The following LZIC variants were observed in gnomAD, a reference collection of about 807,000 sequenced individuals.
LZIC encodes protein LZIC.
A neutral mutation model predicts 25.4 loss-of-function variants in LZIC; 28 were observed. That is an observed-to-expected ratio of 1.10 (90% CI 0.82 to 1.51). The LOEUF (loss-of-function observed/expected upper bound fraction) is 1.51, where lower values mean the gene tolerates loss of function less well. LZIC is among the 40% of genes most tolerant of loss of function. The probability of loss-of-function intolerance (pLI) is 0.00; values close to 1 mark genes in which losing one functional copy is unlikely to be tolerated. For synonymous variants in LZIC, 65 were observed against 70.7 expected, an observed-to-expected ratio of 0.92 and a Z score of 0.40; for missense variants, 170 against 211.1, an observed-to-expected ratio of 0.81 and a Z score of 1.21.
Position 9,931,857 on chromosome 1 carries a change from T to C in LZIC, c.514+34A>G, listed in dbSNP as rs539537579. On this transcript the variant is annotated intron_variant, in intron 7 of 7. Coordinates refer to ENST00000377223, the MANE Select transcript of LZIC (RefSeq NM_032368.5). Reference sequence around the variant, plus strand: ...TTGTATGTAATATATGACAGTAGTATACGACCAGCTTTCAGAAATATGAGG... The same window carrying C: ...TTGTATGTAATATATGACAGTAGTACACGACCAGCTTTCAGAAATATGAGG... 191 of 1,432,592 alleles carry C rather than the reference T, an allele frequency of 1.3e-4. 1 individual carries two copies. Among genetic ancestry groups the C allele is most frequent in the Non-Finnish European group, 1.5e-4 (153 of 1,020,918 alleles). The allele number at this position is 1,432,592 out of a possible 1,614,324, so 88.7% of individuals were successfully genotyped here. A position where few individuals can be genotyped will look rare whatever the true frequency, so the allele number is the denominator to read the frequency against.
At chr1:9,932,025 C>G in intron 6 of LZIC, 53 bp from the exon 7 acceptor site, 2 of 1,315,978 alleles carry the variant, frequency 1.5e-6, no homozygotes, top group Non-Finnish European at 1.0e-6. Context: ...ACAGGTGGTT[C>G]TAGAAACCAG....
chr1:9,941,701 A>T (rs1640747484), intron 2 of LZIC, among the ~76,000 whole-genome samples: 1 of 148,358 alleles, frequency 6.7e-6, no homozygotes, highest in Non-Finnish European at 1.5e-5. Context: ...GTTTCACCAT[A>T]TTGGCCAGGA....
intron 3 of LZIC, 23 bp downstream of exon 3, chr1:9,936,496 A>G (rs1196797128): frequency 6.4e-7 from 1 of 1,550,908 alleles, no homozygotes; most frequent in Non-Finnish European, 8.9e-7. Context: ...TTCCAGCATA[A>G]CAACATACAA....
chr1:9,934,648 G>T, intron 5 of LZIC, 114 bp downstream of exon 5: 2 of 799,976 alleles, frequency 2.5e-6, no homozygotes, highest in East Asian at 2.5e-5. Flanking sequence ...TCAGAAAATT[G>T]TTAGTTGTGG....
At chr1:9,925,253 C>T (rs933978350), downstream of LZIC, among the ~76,000 whole-genome samples, 4 of 151,858 alleles carry the variant, frequency 2.6e-5, no homozygotes, top group Non-Finnish European at 5.9e-5. Flanking sequence ...TTGAACCCTG[C>T]GGCAAGCCGA....
chr1:9,932,205 C>T (rs1640248579), intron 6 of LZIC: 1 of 385,572 alleles, frequency 2.6e-6, no homozygotes, highest in Non-Finnish European at 4.8e-6. Flanking sequence ...ATCAGCTGGG[C>T]GTGGTGGTGC....
chr1:9,927,142 T>C lies in LZIC; in HGVS notation c.*3257A>G, dbSNP rs1257896608. Among the ~76,000 whole-genome samples, 1 of 152,218 alleles carries C rather than the reference T, an allele frequency of 6.6e-6. No individual in the cohort carries two copies. Among genetic ancestry groups the C allele is most frequent in the Non-Finnish European group, 1.5e-5 (1 of 68,030 alleles). The stretch of plus-strand genomic sequence containing the variant: ...CACACAGCTGTGACTGTCAGTGTCC[T>C]GCTGGGCACTGCAAACTAGGCCACT... On this transcript the variant is annotated 3_prime_UTR_variant, in exon 8 of 8. Transcript: ENST00000377223.
At chr1:9,938,610 T>C (rs1441876301) in intron 2 of LZIC, among the ~76,000 whole-genome samples, 1 of 152,218 alleles carries the variant, frequency 6.6e-6, no homozygotes, top group African/African-American at 2.4e-5. Context: ...TGGAGTGCAG[T>C]GGCATGATCA....
At position 9,929,670 on chromosome 1, in the gene LZIC, C is replaced by T. The variant is rs560085284; in HGVS notation, c.*729G>A. The T allele has an allele frequency of 5.5e-5, 54 of 985,432 alleles. No individual in the cohort carries two copies. In the South Asian group the frequency reaches 2.4e-3, roughly 45 times the overall value. The allele number at this position is 985,432 out of a possible 1,614,324, so 61.0% of individuals were successfully genotyped here. A position where few individuals can be genotyped will look rare whatever the true frequency, so the allele number is the denominator to read the frequency against. On this transcript the variant is annotated 3_prime_UTR_variant, in exon 8 of 8. Transcript: ENST00000377223. ...GTTCCAACCTCAAAATTCCGAGATA[C>T]AACGGGCCCCATTAATACAGACAGC...
intron 2 of LZIC, among the ~76,000 whole-genome samples, chr1:9,937,847 C>CAAAAAAAAAAAAAAAAAAA (rs34452687): frequency 1.9e-5 from 1 of 52,732 alleles, no homozygotes. Flanking sequence ...GACCCTGACT[C>CAAAAAAAAAAAAAAAAAAA]AAAAAAAAAA....
intron 3 of LZIC, among the ~76,000 whole-genome samples, chr1:9,935,939 A>T (rs978809027): frequency 2.0e-5 from 3 of 152,120 alleles, no homozygotes; most frequent in South Asian, 2.1e-4. Flanking sequence ...AGGCCAGCCT[A>T]GCCAACATGG....
At chr1:9,931,605 T>C (rs1640216697) in intron 7 of LZIC, among the ~76,000 whole-genome samples, 1 of 152,220 alleles carries the variant, frequency 6.6e-6, no homozygotes, top group Non-Finnish European at 1.5e-5. Context: ...GGTCTCACCA[T>C]GTTGCCCAGG....
intron 7 of LZIC, among the ~76,000 whole-genome samples, chr1:9,931,003 G>A (rs542765466): frequency 6.6e-6 from 1 of 151,846 alleles, no homozygotes; most frequent in Non-Finnish European, 1.5e-5. Flanking sequence ...ACAGGCTTGA[G>A]CCACCGCACC....
chr1:9,933,013 C>T lies in LZIC; in HGVS notation c.337-115G>A, dbSNP rs1048090131. On this transcript the variant is annotated intron_variant, in intron 5 of 7. Transcript: ENST00000377223. ...ACGCCTATAATCTCAACACTTTGGGCGGATCACGAGGCGGGCGGATCACGA... is the reference window on the plus strand; with the variant it reads ...ACGCCTATAATCTCAACACTTTGGGTGGATCACGAGGCGGGCGGATCACGA... 1.6e-4 allele frequency: 103 copies of T among 650,240 alleles called. 1 individual carries two copies. The East Asian group carries it at 2.5e-3, about 16-fold the overall frequency. 40.3% of individuals were successfully genotyped at this position (650,240 alleles called of 1,614,324 possible).
At chr1:9,936,744 C>T (rs566006835) in intron 2 of LZIC, 117 bp from the exon 3 acceptor site, 13 of 685,568 alleles carry the variant, frequency 1.9e-5, no homozygotes, top group African/African-American at 1.3e-4. Flanking sequence ...GGTCTCGGAA[C>T]ATCTGGCCTA....
At chr1:9,933,254 C>CAAAAA (rs60791463) in intron 5 of LZIC, among the ~76,000 whole-genome samples, 5 of 43,384 alleles carry the variant, frequency 1.2e-4, no homozygotes, top group East Asian at 7.1e-4. Flanking sequence ...GACTCCACCA[C>CAAAAA]AAAAAAAAAA....
At chr1:9,942,299 ACT>A (rs1018167041) in intron 2 of LZIC, among the ~76,000 whole-genome samples, 1 of 152,078 alleles carries the variant, frequency 6.6e-6, no homozygotes, top group African/African-American at 2.4e-5. Context: ...CTCTGACTAA[ACT>A]CTGGAGAACA....
intron 3 of LZIC, 45 bp from the exon 4 acceptor site, chr1:9,935,672 A>G (rs367708591): frequency 1.3e-6 from 2 of 1,539,542 alleles, no homozygotes; most frequent in East Asian, 4.6e-5. Flanking sequence ...AAGAGTTCCA[A>G]GTGAAAAATG....
chr1:9,934,961 T>C (rs1640389386), intron 4 of LZIC, 101 bp from the exon 5 acceptor site: 3 of 895,216 alleles, frequency 3.4e-6, no homozygotes, highest in South Asian at 2.7e-5. Flanking sequence ...GGTTTACTGG[T>C]TCCTGTCATG....
Sources: allele counts gnomAD v4.1 joint callset (sites outside exome capture counted in the v4.1 genomes callset), GRCh38; gene constraint gnomAD v4.1.1; transcripts MANE v1.5; gene names NCBI Gene and HGNC (gene_info 2026-07-23, HGNC 2026-07-21).